The following SCAF8 variants were observed in gnomAD, a reference collection of about 807,000 sequenced individuals.
SCAF8 encodes the protein SR-related CTD associated factor 8.
A neutral mutation model predicts 140.5 loss-of-function variants in SCAF8; 23 were observed. The ratio of observed to expected loss-of-function variants is 0.16; its 90% CI spans 0.12 to 0.23. The LOEUF is 0.23. Among genes scored for constraint, SCAF8 ranks in the 10% least tolerant of loss-of-function variants. The pLI is 1.00. For missense variants in SCAF8, 1,397 were observed against 1,555.7 expected (o/e 0.90, Z 1.72); for synonymous variants, 575 against 528.9 (o/e 1.09, Z -1.20).
At chr6:154,778,778 T>TGG (rs1310379646) in intron 3 of SCAF8, among the ~76,000 whole-genome samples, 1 of 148,708 alleles carries the variant, frequency 6.7e-6, no homozygotes, top group Non-Finnish European at 1.5e-5. Context: ...AATGTGTGTG[T>TGG]GTGTGTGTGT....
intron 6 of SCAF8, among the ~76,000 whole-genome samples, chr6:154,800,670 T>C (rs1777747648): frequency 6.6e-6 from 1 of 150,888 alleles, no homozygotes; most frequent in South Asian, 2.1e-4. Context: ...TGAAAAATAG[T>C]AAGGTTGTAT....
chr6:154,743,924 T>G (rs1389417566), intron 1 of SCAF8, among the ~76,000 whole-genome samples: 1 of 152,240 alleles, frequency 6.6e-6, no homozygotes, highest in Non-Finnish European at 1.5e-5. Context: ...CTAGTTTCTG[T>G]AACAGCTGCT....
intron 14 of SCAF8, among the ~76,000 whole-genome samples, chr6:154,819,624 T>A (rs1409942495): frequency 6.6e-6 from 1 of 151,772 alleles, no homozygotes; most frequent in East Asian, 1.9e-4. Flanking sequence ...TAATCACCCC[T>A]CATGTAGGTT....
At chr6:154,820,508 T>A (rs368977606) in intron 15 of SCAF8, among the ~76,000 whole-genome samples, 175 bp downstream of exon 15, 1 of 152,198 alleles carries the variant, frequency 6.6e-6, no homozygotes, top group East Asian at 1.9e-4. Context: ...TTTTAATAGA[T>A]GTCAAAGTAT....
chr6:154,740,420 C>T (rs1439371963), intron 1 of SCAF8, among the ~76,000 whole-genome samples: 1 of 152,034 alleles, frequency 6.6e-6, no homozygotes, highest in African/African-American at 2.4e-5. Flanking sequence ...ATTTAGGTCT[C>T]CTGTTAAACT....
chr6:154,766,662 C>CA, intron 1 of SCAF8, among the ~76,000 whole-genome samples: 1 of 106,984 alleles, frequency 9.3e-6, no homozygotes, highest in African/African-American at 4.3e-5. Flanking sequence ...CAGCAGCACC[C>CA]CCCCCCCTTT....
At chr6:154,795,386 A>C (rs754407401) in intron 6 of SCAF8, among the ~76,000 whole-genome samples, 2 of 152,126 alleles carry the variant, frequency 1.3e-5, no homozygotes, top group Non-Finnish European at 2.9e-5. Flanking sequence ...AGTTTTGCCA[A>C]ATATTATTAG....
intron 16 of SCAF8, 69 bp downstream of exon 16, chr6:154,822,478 C>T (rs1235536845): frequency 1.4e-6 from 2 of 1,427,858 alleles, no homozygotes; most frequent in Non-Finnish European, 1.9e-6. Flanking sequence ...CATGTATTTA[C>T]TTTATAAAAC....
rs376622207 is a variant in SCAF8 at position 154,796,389 on chromosome 6, C to CTCTCTCTCTG, written c.606+1253_606+1254insCTCTCTGTCT. On this transcript the variant is annotated intron_variant, in intron 6 of 19. Transcript: ENST00000367178. Reference sequence around the variant, plus strand: ...TCTCTCTCTCTCTCTCTCTCTCTCTCTCTGTCTCTCTCTTTTTCTGACCCT... The same window carrying CTCTCTCTCTG: ...TCTCTCTCTCTCTCTCTCTCTCTCTCTCTCTCTCTGTCTGTCTCTCTCTTTTTCTGACCCT... Among the ~76,000 whole-genome samples, 197 of 141,040 alleles carry CTCTCTCTCTG rather than the reference C, an allele frequency of 1.4e-3. 1 individual carries two copies. The highest frequency in any genetic ancestry group is 4.3e-3 in the African/African-American group (155 of 36,362). 92.5% of individuals were successfully genotyped at this position (141,040 alleles called of 152,430 possible). A position where few individuals can be genotyped will look rare whatever the true frequency, so the allele number is the denominator to read the frequency against.
At chr6:154,830,771 G>A in intron 18 of SCAF8, 151 bp from the exon 19 acceptor site, 1 of 495,988 alleles carries the variant, frequency 2.0e-6, no homozygotes, top group Non-Finnish European at 3.5e-6. Context: ...GCCTATTCAT[G>A]ATGACTCCTT....
chr6:154,802,202 A>G lies in SCAF8; in HGVS notation c.783+55A>G. 7.7e-6 allele frequency: 8 copies of G among 1,042,272 alleles called. No homozygotes were observed. In the South Asian group the frequency reaches 1.7e-4, roughly 23 times the overall value. 64.6% of individuals were successfully genotyped at this position (1,042,272 alleles called of 1,614,324 possible). A position where few individuals can be genotyped will look rare whatever the true frequency, so the allele number is the denominator to read the frequency against. ...TATGAATTATTAAATATTATATACTATCATGGATTTTAATTCTATAAATAA... is the reference window on the plus strand; with the variant it reads ...TATGAATTATTAAATATTATATACTGTCATGGATTTTAATTCTATAAATAA... On this transcript the variant is annotated intron_variant, in intron 7 of 19. Transcript: ENST00000367178.
At chr6:154,776,468 C>G (rs1010969507) in intron 2 of SCAF8, among the ~76,000 whole-genome samples, 1 of 151,952 alleles carries the variant, frequency 6.6e-6, no homozygotes, top group African/African-American at 2.4e-5. Flanking sequence ...TGGAAGAAGG[C>G]CTATGAGAAT....
intron 6 of SCAF8, among the ~76,000 whole-genome samples, chr6:154,795,478 T>C (rs190474813): frequency 3.3e-5 from 5 of 152,196 alleles, no homozygotes; most frequent in Non-Finnish European, 7.4e-5. Context: ...TGGTAAAAAA[T>C]AGTATGACAA....
At chr6:154,805,107 C>T (rs72993456) in intron 8 of SCAF8, among the ~76,000 whole-genome samples, 3,296 of 152,196 alleles carry the variant, frequency 0.022, 38 homozygotes, top group African/African-American at 0.025. Flanking sequence ...ATGTATTTAA[C>T]AGCCTGAGAT....
intron 3 of SCAF8, among the ~76,000 whole-genome samples, chr6:154,781,211 C>A (rs1248209983): frequency 6.6e-6 from 1 of 151,982 alleles, no homozygotes; most frequent in East Asian, 1.9e-4. Flanking sequence ...AAGCAGAGAG[C>A]CACGTTATGA....
intron 6 of SCAF8, among the ~76,000 whole-genome samples, chr6:154,795,561 CAG>C (rs1316551366): frequency 6.6e-6 from 1 of 152,046 alleles, no homozygotes; most frequent in Non-Finnish European, 1.5e-5. Flanking sequence ...GGGAAGGGGT[CAG>C]GAGTAGAGCG....
chr6:154,824,388 T>C lies in SCAF8; in HGVS notation c.2071+10T>C, dbSNP rs1249493848. 1 of 1,609,216 alleles carries C rather than the reference T, an allele frequency of 6.2e-7. No homozygotes were observed. The highest frequency in any genetic ancestry group is 1.7e-5 in the Admixed American group (1 of 59,526). On this transcript the variant is annotated intron_variant, in intron 17 of 19. Coordinates refer to ENST00000367178, the MANE Select transcript of SCAF8 (RefSeq NM_014892.5). ...TCACAACCACCACCTGGTAAGGAAT[T>C]TTTGTTTTAATATTTGAACTCTATT...
chr6:154,769,683 A>C (rs1776680282), intron 1 of SCAF8, among the ~76,000 whole-genome samples: 2 of 152,212 alleles, frequency 1.3e-5, no homozygotes, highest in Non-Finnish European at 2.9e-5. Flanking sequence ...ACTAAGGTTA[A>C]TTGGTTTAAC....
intron 19 of SCAF8, among the ~76,000 whole-genome samples, 176 bp from the exon 20 acceptor site, chr6:154,831,762 CT>C (rs1465718415): frequency 8.3e-6 from 1 of 120,912 alleles, no homozygotes; most frequent in South Asian, 3.0e-4. Context: ...TTTAGAAAGG[CT>C]TTTATTAAAG....
Sources: allele counts gnomAD v4.1 joint callset (sites outside exome capture counted in the v4.1 genomes callset), GRCh38; gene constraint gnomAD v4.1.1; transcripts MANE v1.5; gene names NCBI Gene and HGNC (gene_info 2026-07-23, HGNC 2026-07-21).